KMT2C: variants seen among roughly 807,000 people sequenced by gnomAD.
KMT2C encodes the protein histone-lysine N-methyltransferase 2C.
Under a neutral mutation model 507.9 loss-of-function variants are expected in KMT2C, and 88 were observed. That is an observed-to-expected ratio of 0.17 (90% CI 0.15 to 0.21). The LOEUF is 0.21. Among genes scored for constraint, KMT2C ranks in the 10% least tolerant of loss-of-function variants. KMT2C has a pLI of 1.00. For synonymous variants in KMT2C, 2,049 were observed against 2,080.8 expected (o/e 0.98, Z 0.42); for missense variants, 4,954 against 5,957.8 (o/e 0.83, Z 5.55).
chr7:152,331,220 ATAT>A (rs1267033198), intron 2 of KMT2C, among the ~76,000 whole-genome samples: 1 of 152,016 alleles, frequency 6.6e-6, no homozygotes, highest in Non-Finnish European at 1.5e-5. Context: ...AGATGGAAGG[ATAT>A]GCCTTGAACC....
chr7:152,255,124 T>TATATATATATATATATATATATATAC (rs2095631490), intron 9 of KMT2C, among the ~76,000 whole-genome samples: 1 of 113,238 alleles, frequency 8.8e-6, no homozygotes, highest in Non-Finnish European at 1.7e-5. Context: ...TATATATATA[T>TATATATATATATATATATATATATAC]ATATATATAT....
intron 9 of KMT2C, among the ~76,000 whole-genome samples, chr7:152,253,918 C>T (rs183682949): frequency 9.2e-5 from 14 of 152,108 alleles, no homozygotes; most frequent in African/African-American, 3.4e-4. Context: ...CCCTGGGTAT[C>T]CCTGGGTGTA....
At chr7:152,321,206 G>A (rs2096770254) in intron 3 of KMT2C, among the ~76,000 whole-genome samples, 2 of 151,476 alleles carry the variant, frequency 1.3e-5, no homozygotes, top group Middle Eastern at 3.4e-3. Flanking sequence ...TGCATAGCCT[G>A]GGCAACAGAG....
At chr7:152,357,459 G>C (rs1460731349) in intron 2 of KMT2C, among the ~76,000 whole-genome samples, 1 of 152,042 alleles carries the variant, frequency 6.6e-6, no homozygotes. Context: ...GTGAATCCAG[G>C]AGGCAGAGCT....
chr7:152,363,022 T>C (rs1336262117), intron 1 of KMT2C, among the ~76,000 whole-genome samples: 1 of 152,230 alleles, frequency 6.6e-6, no homozygotes, highest in Non-Finnish European at 1.5e-5. Flanking sequence ...GCTTCTGCCA[T>C]GTGACTTTTC....
intron 2 of KMT2C, among the ~76,000 whole-genome samples, chr7:152,350,534 A>G (rs150760432): frequency 1.4e-3 from 207 of 152,338 alleles, no homozygotes; most frequent in African/African-American, 4.7e-3. Flanking sequence ...CTATAACACA[A>G]CAGTCAAGTA....
intron 11 of KMT2C, among the ~76,000 whole-genome samples, chr7:152,251,382 A>T (rs1391913175): frequency 2.0e-5 from 3 of 152,216 alleles, no homozygotes; most frequent in African/African-American, 7.2e-5. Flanking sequence ...AGTAATTAAG[A>T]TGTTTAGTTA....
intron 9 of KMT2C, among the ~76,000 whole-genome samples, chr7:152,262,009 C>G (rs1343481710): frequency 6.6e-6 from 1 of 152,064 alleles, no homozygotes; most frequent in Non-Finnish European, 1.5e-5. Context: ...CAACCCCCAC[C>G]ACTCAGGCAG....
intron 1 of KMT2C, among the ~76,000 whole-genome samples, chr7:152,400,532 C>T (rs1055040814): frequency 7.9e-5 from 12 of 152,144 alleles, no homozygotes; most frequent in Non-Finnish European, 1.3e-4. Flanking sequence ...CCGACTTTTC[C>T]TCACCAACAA....
At chr7:152,356,436 C>T (rs1014216517) in intron 2 of KMT2C, among the ~76,000 whole-genome samples, 2 of 151,640 alleles carry the variant, frequency 1.3e-5, no homozygotes, top group African/African-American at 4.9e-5. Flanking sequence ...ATTAGCCGGG[C>T]GTGGTGGCGG....
Position 152,238,997 on chromosome 7 carries a change from ATTTAAGTATAAC to A in KMT2C, c.2533-183_2533-172del, listed in dbSNP as rs1213583941. The A allele has an allele frequency of 1.3e-5, 7 of 547,414 alleles. No individual in the cohort carries two copies. The East Asian group carries it at 2.5e-4, about 19-fold the overall frequency. 33.9% of individuals were successfully genotyped at this position (547,414 alleles called of 1,614,324 possible). ...GTTAATCACTAACAGTGATTTAAAC[ATTTAAGTATAAC>A]TTAAATGTTTGCTGCTACAATTTAC... On this transcript the variant is annotated intron_variant, in intron 14 of 58. Coordinates refer to ENST00000262189, the MANE Select transcript of KMT2C (RefSeq NM_170606.3).
chr7:152,229,848 C>G (rs1480551613), intron 18 of KMT2C, 75 bp downstream of exon 18: 3 of 978,398 alleles, frequency 3.1e-6, no homozygotes. Context: ...ATTGTGAGAA[C>G]TGGGAGCTCA....
chr7:152,278,431 C>T (rs2096130771), intron 6 of KMT2C, among the ~76,000 whole-genome samples: 1 of 152,200 alleles, frequency 6.6e-6, no homozygotes, highest in Non-Finnish European at 1.5e-5. Context: ...CAGGCACCTG[C>T]CACCGCGCCT....
At chr7:152,259,311 G>T (rs1463452267) in intron 9 of KMT2C, among the ~76,000 whole-genome samples, 2 of 152,076 alleles carry the variant, frequency 1.3e-5, no homozygotes, top group African/African-American at 2.4e-5. Context: ...TAGCAGGATT[G>T]TGATTTTTTA....
At chr7:152,275,042 T>C (rs2096056956) in intron 6 of KMT2C, among the ~76,000 whole-genome samples, 1 of 152,214 alleles carries the variant, frequency 6.6e-6, no homozygotes. Context: ...TGTGGATATC[T>C]TCACATGTTA....
At chr7:152,257,447 T>TTTCAAAACTTC (rs1454905068) in intron 9 of KMT2C, among the ~76,000 whole-genome samples, 1 of 152,166 alleles carries the variant, frequency 6.6e-6, no homozygotes, top group Non-Finnish European at 1.5e-5. Context: ...CTTCATATAG[T>TTTCAAAACTTC]ATTGAGTTTT....
intron 2 of KMT2C, among the ~76,000 whole-genome samples, chr7:152,345,154 T>C (rs1342475160): frequency 1.3e-5 from 2 of 152,078 alleles, no homozygotes; most frequent in African/African-American, 4.8e-5. Context: ...GCATGGTGGC[T>C]CATCCCAGTA....
rs1590056183 is a variant in KMT2C at position 152,436,000 on chromosome 7, C to A, written c.-214G>T. 4.6e-6 allele frequency: 1 copy of A among 216,540 alleles called. No individual in the cohort carries two copies. The highest frequency in any genetic ancestry group is 7.2e-5 in the East Asian group (1 of 13,908). 13.4% of individuals were successfully genotyped at this position (216,540 alleles called of 1,614,324 possible). A position where few individuals can be genotyped will look rare whatever the true frequency, so the allele number is the denominator to read the frequency against. ...TCACACACATCGGCGCGGGCGCGCG[C>A]ACCTCCGCGCGCAGGGGCCGGGCGG... is the stretch of plus-strand genomic sequence containing the variant. On this transcript the variant is annotated 5_prime_UTR_variant, in exon 1 of 59. Coordinates refer to ENST00000262189, the MANE Select transcript of KMT2C (RefSeq NM_170606.3).
At chr7:152,327,194 T>C (rs920240121) in intron 3 of KMT2C, among the ~76,000 whole-genome samples, 1 of 152,254 alleles carries the variant, frequency 6.6e-6, no homozygotes, top group African/African-American at 2.4e-5. Flanking sequence ...TTTACATGGA[T>C]AGCCAATTAT....
Sources: gnomAD v4.1 joint callset for allele counts (sites outside exome capture counted in the v4.1 genomes callset) on GRCh38, gnomAD v4.1.1 for gene constraint, MANE v1.5 for transcripts, NCBI Gene and HGNC (gene_info 2026-07-23, HGNC 2026-07-21) for gene names.